Variants in APBA2 observed in about 807,000 individuals in gnomAD.
APBA2 encodes amyloid-beta A4 precursor protein-binding family A member 2.
Under a neutral mutation model 75.0 loss-of-function variants are expected in APBA2, and 30 were observed. The observed-to-expected ratio is 0.40, with a 90% CI of 0.30 to 0.54. The LOEUF (loss-of-function observed/expected upper bound fraction) is 0.54. Ranked by LOEUF, APBA2 falls within the 20% of genes least tolerant of loss-of-function variation. The probability of loss-of-function intolerance (pLI) is 0.49; values close to 1 mark genes in which losing one functional copy is unlikely to be tolerated. For synonymous variants in APBA2, 444 were observed against 409.6 expected (o/e 1.08, Z -1.01); for missense variants, 801 against 1,016.1 (o/e 0.79, Z 2.88).
intron 2 of APBA2, chr15:28,990,601 C>T (rs1341665435): frequency 6.6e-6 from 1 of 152,188 alleles, no homozygotes; most frequent in Non-Finnish European, 1.5e-5. Flanking sequence ...TGGAAACAGG[C>T]TGAGATACTC....
In APBA2 at chr15:29,009,649, A is replaced by AT. The variant is rs58744552; in HGVS notation, c.-41+13852dup. Among the ~76,000 whole-genome samples the AT allele has an allele frequency of 5.3e-5, 8 of 151,582 alleles. No individual in the cohort carries two copies. The East Asian group carries it at 5.8e-4, about 11-fold the overall frequency. On this transcript the variant is annotated intron_variant, in intron 3 of 14. Transcript: ENST00000683413. The stretch of plus-strand genomic sequence containing the variant: ...AAATGTTATTTTTGCAAATGTTTGA[A>AT]TTTTTTTTTAAATAAATGAATTTCT...
intron 3 of APBA2, among the ~76,000 whole-genome samples, chr15:29,028,114 C>G (rs2040316613): frequency 6.6e-6 from 1 of 151,944 alleles, no homozygotes; most frequent in African/African-American, 2.4e-5. Flanking sequence ...GTATTAAGCC[C>G]CACATGCATA....
intron 1 of APBA2, among the ~76,000 whole-genome samples, chr15:28,915,151 C>CG (rs1323484985): frequency 9.0e-5 from 1 of 11,110 alleles, no homozygotes. Context: ...ACACACATAC[C>CG]CATACACACC....
chr15:28,888,748 GTGGCGGGCGGTCCTGGC>G (rs2031927657), intron 1 of APBA2, among the ~76,000 whole-genome samples: 1 of 152,182 alleles, frequency 6.6e-6, no homozygotes, highest in South Asian at 2.1e-4. Context: ...CTGGGCCTGG[GTGGCGGGCGGTCCTGGC>G]TGTATCACTC....
chr15:29,108,548 C>A, intron 13 of APBA2, 159 bp downstream of exon 13: 1 of 1,146,814 alleles, frequency 8.7e-7, no homozygotes, highest in Non-Finnish European at 1.2e-6. Flanking sequence ...CAGGAACTTT[C>A]CATGGCTCTC....
chr15:29,036,586 G>A (rs550085317), intron 3 of APBA2, among the ~76,000 whole-genome samples: 1 of 152,302 alleles, frequency 6.6e-6, no homozygotes, highest in South Asian at 2.1e-4. Flanking sequence ...GAGGGTTTGG[G>A]GTGCAGAGAC....
intron 2 of APBA2, among the ~76,000 whole-genome samples, chr15:28,962,038 T>C (rs1010460207): frequency 2.0e-5 from 3 of 152,154 alleles, no homozygotes; most frequent in Non-Finnish European, 4.4e-5. Flanking sequence ...TGAATTTGTT[T>C]CCCATGACCT....
At chr15:28,976,562 A>G (rs1262068813) in intron 2 of APBA2, among the ~76,000 whole-genome samples, 1 of 152,142 alleles carries the variant, frequency 6.6e-6, no homozygotes, top group Non-Finnish European at 1.5e-5. Context: ...GTTGAACTTT[A>G]TGAAATGGTT....
At chr15:29,001,314 A>G (rs2038832071) in intron 3 of APBA2, among the ~76,000 whole-genome samples, 1 of 152,108 alleles carries the variant, frequency 6.6e-6, no homozygotes, top group Non-Finnish European at 1.5e-5. Context: ...GGGCTCAAGC[A>G]ATCTTCCCAC....
intron 3 of APBA2, among the ~76,000 whole-genome samples, chr15:29,019,270 G>A (rs924810743): frequency 2.0e-5 from 3 of 152,236 alleles, no homozygotes; most frequent in African/African-American, 7.2e-5. Flanking sequence ...CTTCGAAGGA[G>A]GAAGGTGGCC....
chr15:29,090,998 G>A (rs1007538971), intron 6 of APBA2, among the ~76,000 whole-genome samples: 1 of 152,070 alleles, frequency 6.6e-6, no homozygotes, highest in African/African-American at 2.4e-5. Flanking sequence ...GGTATGGTGG[G>A]GGTACTGCAT....
At chr15:28,979,247 C>G (rs1308344054) in intron 2 of APBA2, among the ~76,000 whole-genome samples, 1 of 152,188 alleles carries the variant, frequency 6.6e-6, no homozygotes, top group Non-Finnish European at 1.5e-5. Flanking sequence ...TACCACCAAG[C>G]CCTCTCCTTG....
intron 2 of APBA2, among the ~76,000 whole-genome samples, chr15:28,978,583 G>A (rs1423399548): frequency 6.6e-6 from 1 of 152,214 alleles, no homozygotes; most frequent in Non-Finnish European, 1.5e-5. Flanking sequence ...CTGTAAAAGG[G>A]GGAATCTTTC....
chr15:29,062,083 AG>A (rs2042152379), intron 4 of APBA2, among the ~76,000 whole-genome samples: 1 of 151,710 alleles, frequency 6.6e-6, no homozygotes, highest in South Asian at 2.1e-4. Flanking sequence ...TGCTGAGGGC[AG>A]GGGGTTATGG....
chr15:29,103,919 C>G (rs931617348), intron 10 of APBA2, among the ~76,000 whole-genome samples: 19 of 152,330 alleles, frequency 1.2e-4, no homozygotes, highest in African/African-American at 4.6e-4. Context: ...GCCAGCCCGG[C>G]GGCGCCATCT....
rs1383233213 is a variant in APBA2 at position 29,102,092 on chromosome 15, T to G, written c.1524+308T>G. On this transcript the variant is annotated intron_variant, in intron 10 of 14. Coordinates refer to ENST00000683413, the MANE Select transcript of APBA2 (RefSeq NM_001353788.2). The stretch of plus-strand genomic sequence containing the variant: ...TCTCTACTAAAAATGAAGTTAATCT[T>G]TGCATAACTTTTGTTATTAAAATGC... 5.9e-6 allele frequency: 3 copies of G among 510,062 alleles called. No homozygotes were observed. In the Admixed American group the frequency reaches 1.0e-4, roughly 17 times the overall value. 31.6% of individuals were successfully genotyped at this position (510,062 alleles called of 1,614,324 possible).
chr15:29,093,811 G>A (rs1378476338), intron 7 of APBA2, among the ~76,000 whole-genome samples: 2 of 152,142 alleles, frequency 1.3e-5, no homozygotes, highest in East Asian at 3.9e-4. Flanking sequence ...GTGAGAAATG[G>A]CAGCAACCTC....
chr15:29,043,905 ATACT>A (rs1476575331), intron 3 of APBA2, among the ~76,000 whole-genome samples: 1 of 152,194 alleles, frequency 6.6e-6, no homozygotes, highest in Non-Finnish European at 1.5e-5. Context: ...TTGAAGTGAA[ATACT>A]TATTCGGTGA....
At chr15:28,946,923 G>T (rs1322006623) in intron 2 of APBA2, among the ~76,000 whole-genome samples, 1 of 152,190 alleles carries the variant, frequency 6.6e-6, no homozygotes, top group Non-Finnish European at 1.5e-5. Flanking sequence ...GAGCAAGTTG[G>T]TGTTGTCTGA....
Sources: allele counts gnomAD v4.1 joint callset (sites outside exome capture counted in the v4.1 genomes callset), GRCh38; gene constraint gnomAD v4.1.1; transcripts MANE v1.5; gene names NCBI Gene and HGNC (gene_info 2026-07-23, HGNC 2026-07-21).